CACNA2D3: variants seen among roughly 807,000 people sequenced by gnomAD.
CACNA2D3 encodes calcium voltage-gated channel auxiliary subunit alpha2delta 3, also known as voltage-dependent calcium channel subunit alpha-2/delta-3.
Under a neutral mutation model 160.6 loss-of-function variants are expected in CACNA2D3, and 60 were observed. The ratio of observed to expected loss-of-function variants is 0.37; its 90% confidence interval spans 0.30 to 0.46. The LOEUF is 0.46. CACNA2D3 is among the 20% of genes least tolerant of loss of function. The pLI, the probability that CACNA2D3 is intolerant of heterozygous loss-of-function variation, is 1.00. For synonymous variants in CACNA2D3, 558 were observed against 492.9 expected, an observed-to-expected ratio of 1.13 and a Z score of -1.75; for missense variants, 1,205 against 1,365.0, an observed-to-expected ratio of 0.88 and a Z score of 1.85.
At chr3:54,141,957 A>C (rs541983061) in intron 2 of CACNA2D3, among the ~76,000 whole-genome samples, 14 of 152,362 alleles carry the variant, frequency 9.2e-5, no homozygotes, top group South Asian at 6.2e-4. Context: ...TAATGTGAGA[A>C]TCAGGCATAT....
chr3:54,148,974 C>CAAAA (rs543235870), intron 2 of CACNA2D3, among the ~76,000 whole-genome samples: 4 of 116,558 alleles, frequency 3.4e-5, no homozygotes, highest in Admixed American at 8.8e-5. Context: ...AAAACTCCAT[C>CAAAA]AAAAAAAAAA....
intron 11 of CACNA2D3, among the ~76,000 whole-genome samples, chr3:54,733,463 C>T (rs947510743): frequency 2.0e-5 from 3 of 152,128 alleles, no homozygotes; most frequent in African/African-American, 7.2e-5. Flanking sequence ...CAAAGGGGCC[C>T]TAGGATTTTA....
At chr3:54,828,495 C>T (rs1703792454) in intron 14 of CACNA2D3, among the ~76,000 whole-genome samples, 1 of 152,158 alleles carries the variant, frequency 6.6e-6, no homozygotes, top group South Asian at 2.1e-4. Context: ...GAAGTTTACT[C>T]ATAAAACATA....
intron 9 of CACNA2D3, among the ~76,000 whole-genome samples, chr3:54,621,339 C>T (rs1022975543): frequency 1.3e-5 from 2 of 152,212 alleles, no homozygotes; most frequent in East Asian, 1.9e-4. Flanking sequence ...CTGGCCTCAA[C>T]GTTGTGGCTG....
At chr3:54,696,162 C>T (rs911958384) in intron 11 of CACNA2D3, among the ~76,000 whole-genome samples, 1 of 152,096 alleles carries the variant, frequency 6.6e-6, no homozygotes, top group Non-Finnish European at 1.5e-5. Context: ...TAGTAGTTTC[C>T]ATTATAGTTG....
intron 3 of CACNA2D3, among the ~76,000 whole-genome samples, chr3:54,366,800 T>C (rs1222891292): frequency 1.3e-5 from 2 of 152,216 alleles, no homozygotes; most frequent in Non-Finnish European, 2.9e-5. Context: ...AGATGCCTCT[T>C]GATGAGAAAA....
intron 13 of CACNA2D3, among the ~76,000 whole-genome samples, chr3:54,764,853 T>C (rs1445974640): frequency 6.6e-6 from 1 of 152,188 alleles, no homozygotes; most frequent in Non-Finnish European, 1.5e-5. Context: ...AGGCACTGGA[T>C]TGTTGTTTGA....
intron 13 of CACNA2D3, among the ~76,000 whole-genome samples, chr3:54,785,255 T>C (rs1299350573): frequency 6.6e-6 from 1 of 152,208 alleles, no homozygotes; most frequent in Non-Finnish European, 1.5e-5. Flanking sequence ...GGTCAGAAGA[T>C]GTCCATTTTG....
chr3:54,305,508 A>G (rs941966373), intron 2 of CACNA2D3, among the ~76,000 whole-genome samples: 1 of 152,262 alleles, frequency 6.6e-6, no homozygotes, highest in Non-Finnish European at 1.5e-5. Context: ...TTTTATGTAT[A>G]TGTTTAAAGT....
chr3:54,644,010 T>A (rs1000371222), intron 11 of CACNA2D3, among the ~76,000 whole-genome samples: 34 of 152,316 alleles, frequency 2.2e-4, no homozygotes, highest in African/African-American at 8.2e-4. Flanking sequence ...GCAAGTGTTT[T>A]TTCATGTGAG....
At chr3:54,349,736 C>T (rs1279627625) in intron 3 of CACNA2D3, among the ~76,000 whole-genome samples, 2 of 152,204 alleles carry the variant, frequency 1.3e-5, no homozygotes, top group African/African-American at 4.8e-5. Context: ...ATAGCAGGCC[C>T]ATCTTGGCTT....
chr3:54,596,044 G>A (rs946270172), intron 9 of CACNA2D3, among the ~76,000 whole-genome samples: 5 of 152,068 alleles, frequency 3.3e-5, no homozygotes, highest in African/African-American at 7.2e-5. Flanking sequence ...GGTGGGGAGG[G>A]CGGGGGAAGA....
intron 6 of CACNA2D3, among the ~76,000 whole-genome samples, chr3:54,565,829 A>C (rs114101959): frequency 6.6e-6 from 1 of 152,140 alleles, no homozygotes; most frequent in African/African-American, 2.4e-5. Flanking sequence ...ATTAGGCTCT[A>C]TAGTTCTTAC....
chr3:54,143,429 A>G (rs1411310157), intron 2 of CACNA2D3, among the ~76,000 whole-genome samples: 1 of 152,214 alleles, frequency 6.6e-6, no homozygotes, highest in Non-Finnish European at 1.5e-5. Flanking sequence ...GAAATAATGG[A>G]TAAATCAAAA....
chr3:54,294,459 C>T (rs1703292887), intron 2 of CACNA2D3, among the ~76,000 whole-genome samples: 1 of 152,058 alleles, frequency 6.6e-6, no homozygotes, highest in African/African-American at 2.4e-5. Flanking sequence ...TGAGTGGTTG[C>T]TCATTCTTCC....
intron 4 of CACNA2D3, among the ~76,000 whole-genome samples, chr3:54,406,042 A>C (rs1271156724): frequency 6.6e-6 from 1 of 152,188 alleles, no homozygotes; most frequent in East Asian, 1.9e-4. Flanking sequence ...AAAGACAAAA[A>C]GACAAGTGTT....
intron 9 of CACNA2D3, among the ~76,000 whole-genome samples, chr3:54,582,386 G>A (rs186830881): frequency 3.9e-5 from 6 of 152,328 alleles, no homozygotes; most frequent in Admixed American, 3.3e-4. Context: ...ACAAAAGGAC[G>A]ATACGTTAAA....
chr3:54,648,888 T>TA (rs1699704117), intron 11 of CACNA2D3, among the ~76,000 whole-genome samples: 1 of 152,080 alleles, frequency 6.6e-6, no homozygotes, highest in African/African-American at 2.4e-5. Flanking sequence ...CATGAACTAT[T>TA]AGAATGATAA....
At chr3:54,924,018 C>A (rs1037830706) in intron 27 of CACNA2D3, among the ~76,000 whole-genome samples, 5 of 152,176 alleles carry the variant, frequency 3.3e-5, no homozygotes, top group East Asian at 1.9e-4. Context: ...AGTTTGCTAA[C>A]CCTGGGTGGT....
Sources: gnomAD v4.1 joint callset for allele counts (sites outside exome capture counted in the v4.1 genomes callset) on GRCh38, gnomAD v4.1.1 for gene constraint, MANE v1.5 for transcripts, NCBI Gene and HGNC (gene_info 2026-07-23, HGNC 2026-07-21) for gene names.